AKT2: variants seen among roughly 807,000 people sequenced by gnomAD.
The protein encoded by AKT2 is AKT serine/threonine kinase 2, also known as RAC-beta serine/threonine-protein kinase.
A neutral mutation model predicts 58.6 loss-of-function variants in AKT2; 16 were observed. The observed-to-expected ratio is 0.27, with a 90% CI of 0.18 to 0.41. The LOEUF (loss-of-function observed/expected upper bound fraction) is 0.41, where lower values mean the gene tolerates loss of function less well. Among genes scored for constraint, AKT2 ranks in the 10% least tolerant of loss-of-function variants. The pLI, the probability that AKT2 is intolerant of heterozygous loss-of-function variation, is 1.00. For synonymous variants in AKT2, 253 were observed against 254.0 expected (o/e 1.00, Z 0.04); for missense variants, 438 against 661.0 (o/e 0.66, Z 3.70).
intron 6 of AKT2, 49 bp downstream of exon 6, chr19:40,241,889 G>C (rs751226714): frequency 6.2e-7 from 1 of 1,612,752 alleles, no homozygotes; most frequent in Non-Finnish European, 8.5e-7. Flanking sequence ...TCAGGCTCCA[G>C]ACCGCAGCCC....
chr19:40,235,818 T>C lies in AKT2; in HGVS notation c.1175+72A>G. The C allele has an allele frequency of 6.8e-7, 1 of 1,471,382 alleles. No homozygotes were observed. The highest frequency in any genetic ancestry group is 9.2e-7 in the Non-Finnish European group (1 of 1,090,646). The allele number at this position is 1,471,382 out of a possible 1,614,324, so 91.1% of individuals were successfully genotyped here. ...TACAAGCGAGCACCCTTGTGGACGC[T>C]GCCCCCTCCAGGCCGCAGGGACAGT... On this transcript the variant is annotated intron_variant, in intron 11 of 13. Coordinates refer to ENST00000392038, the MANE Select transcript of AKT2 (RefSeq NM_001626.6). This position sits in a 1 kb window ranked among gnomAD's most constrained non-coding sequence, Gnocchi z 6.3.
chr19:40,239,086 T>A, intron 7 of AKT2, 113 bp from the exon 8 acceptor site: 2 of 1,136,178 alleles, frequency 1.8e-6, no homozygotes, highest in Non-Finnish European at 2.5e-6. Context: ...CTGCCCTGGC[T>A]GGGGCCCCCA....
Position 40,234,139 on chromosome 19 carries a change from T to G in AKT2, c.1367-188A>C, listed in dbSNP as rs935891611. On this transcript the variant is annotated intron_variant, in intron 13 of 13. Transcript: ENST00000392038. The surrounding 1 kb of genome is among the most constrained non-coding windows in gnomAD (Gnocchi z 4.7). ...CCCCAAACCTGAGCCCCGGGCGGCCTCCTCTGGGAGTTTCCTGTGCCCTTG... is the reference window on the plus strand; with the variant it reads ...CCCCAAACCTGAGCCCCGGGCGGCCGCCTCTGGGAGTTTCCTGTGCCCTTG... 6.6e-6 allele frequency among the ~76,000 whole-genome samples: 1 copy of G among 152,062 alleles called. No individual in the cohort carries two copies. The highest frequency in any genetic ancestry group is 1.5e-5 in the Non-Finnish European group (1 of 67,968).
At chr19:40,245,043 T>C (rs147814122) in intron 4 of AKT2, among the ~76,000 whole-genome samples, 85 of 152,380 alleles carry the variant, frequency 5.6e-4, no homozygotes, top group African/African-American at 1.9e-3. Context: ...CGCCTTTTTC[T>C]TGGCACTATA....
rs1390916705 is a variant in AKT2, at chr19:40,232,989, T to C, written c.*883A>G. 9 of 181,028 alleles carry C rather than the reference T, an allele frequency of 5.0e-5. No individual in the cohort carries two copies. The highest frequency in any genetic ancestry group is 2.2e-4 in the South Asian group (1 of 4,480). The allele number at this position is 181,028 out of a possible 1,614,324, so 11.2% of individuals were successfully genotyped here. A position where few individuals can be genotyped will look rare whatever the true frequency, so the allele number is the denominator to read the frequency against. ...GGGCCCAATACTGTCCGGTGTAAGA[T>C]TGTAACAGCCAAGGCTGGTGGCCCT... On this transcript the variant is annotated 3_prime_UTR_variant, in exon 14 of 14. Coordinates refer to ENST00000392038, the MANE Select transcript of AKT2 (RefSeq NM_001626.6).
chr19:40,272,244 T>C (rs2077228924), intron 1 of AKT2, among the ~76,000 whole-genome samples: 2 of 152,228 alleles, frequency 1.3e-5, no homozygotes, highest in South Asian at 2.1e-4. Flanking sequence ...CCTTGAGAGT[T>C]AGGCAGATCT....
Position 40,242,083 on chromosome 19 carries a change from G to A in AKT2, c.442-14C>T, listed in dbSNP as rs1367240892. 1 of 1,614,152 alleles carries A rather than the reference G, an allele frequency of 6.2e-7. No homozygotes were observed. Among genetic ancestry groups the A allele is most frequent in the Non-Finnish European group, 8.5e-7 (1 of 1,180,030 alleles). The stretch of plus-strand genomic sequence containing the variant: ...GTCATTCATGGTCTGCCAGGGACAG[G>A]GAGAGTGGGGGCAGTCAGCGCCTGG... On this transcript the variant is annotated splice_polypyrimidine_tract_variant and intron_variant, in intron 5 of 13. Coordinates refer to ENST00000392038, the MANE Select transcript of AKT2 (RefSeq NM_001626.6). The surrounding 1 kb of genome is among the most constrained non-coding windows in gnomAD (Gnocchi z 4.3).
intron 1 of AKT2, among the ~76,000 whole-genome samples, chr19:40,284,410 G>A (rs961765009): frequency 1.3e-5 from 2 of 152,134 alleles, no homozygotes; most frequent in African/African-American, 4.8e-5. Flanking sequence ...TAATCTGAGA[G>A]GGTAATGGAA....
intron 4 of AKT2, among the ~76,000 whole-genome samples, chr19:40,249,557 C>A (rs116997163): frequency 6.6e-6 from 1 of 152,210 alleles, no homozygotes; most frequent in Non-Finnish European, 1.5e-5. Context: ...TGCACAAGCC[C>A]GTCCTCACCG....
In AKT2 at chr19:40,238,196, T is replaced by G. The variant is rs909488054; in HGVS notation, c.709-105A>C. 3 of 1,439,446 alleles carry G rather than the reference T, an allele frequency of 2.1e-6. No homozygotes were observed. The African/African-American group carries it at 4.2e-5, about 20-fold the overall frequency. 89.2% of individuals were successfully genotyped at this position (1,439,446 alleles called of 1,614,324 possible). A position where few individuals can be genotyped will look rare whatever the true frequency, so the allele number is the denominator to read the frequency against. The stretch of plus-strand genomic sequence containing the variant: ...GCGCAGTGATGTGGTGACACCTGTA[T>G]CATGAACCAGCAAGTGACAGCTAGA... On this transcript the variant is annotated intron_variant, in intron 8 of 13. Transcript: ENST00000392038. The surrounding 1 kb of genome is among the most constrained non-coding windows in gnomAD (Gnocchi z 5.1).
Position 40,238,789 on chromosome 19 carries a change from C to G in AKT2, c.708+116G>C. ...CCGCCTGCCTCAAGGGAGAGGGGCA[C>G]TAGATGACACTGAAATTTCCCTCCA... On this transcript the variant is annotated intron_variant, in intron 8 of 13. Coordinates refer to ENST00000392038, the MANE Select transcript of AKT2 (RefSeq NM_001626.6). The surrounding 1 kb of genome is among the most constrained non-coding windows in gnomAD (Gnocchi z 5.1). The G allele has an allele frequency of 8.9e-7, 1 of 1,121,702 alleles. No individual in the cohort carries two copies. Among genetic ancestry groups the G allele is most frequent in the Non-Finnish European group, 1.4e-6 (1 of 736,750 alleles). The allele number at this position is 1,121,702 out of a possible 1,614,324, so 69.5% of individuals were successfully genotyped here.
Position 40,256,954 on chromosome 19 carries a change from T to C in AKT2, c.147A>G (p.Leu49=), listed in dbSNP as rs766730410. ...KERPEAPDQT[L]PPLNNFSVAE... Reference sequence around the variant, plus strand: ...CTACGGAGAAGTTGTTTAAGGGGGGTAGAGTCTGATCAGGGGCCTCGGGCC... The same window carrying C: ...CTACGGAGAAGTTGTTTAAGGGGGGCAGAGTCTGATCAGGGGCCTCGGGCC... The change falls in exon 3 of 14, where the codon CTA becomes CTG. Residue 49 remains leucine, a synonymous_variant. Coordinates refer to ENST00000392038, the MANE Select transcript of AKT2 (RefSeq NM_001626.6). 2.5e-6 allele frequency: 4 copies of C among 1,613,528 alleles called. No homozygotes were observed. Among genetic ancestry groups the C allele is most frequent in the Non-Finnish European group, 3.4e-6 (4 of 1,179,870 alleles).
chr19:40,280,351 T>TTCCC (rs1248643570), intron 1 of AKT2, among the ~76,000 whole-genome samples: 3 of 152,098 alleles, frequency 2.0e-5, no homozygotes, highest in African/African-American at 4.8e-5. Context: ...GAACACGGTG[T>TTCCC]GAAAACCACA....
At chr19:40,269,744 T>C (rs1568565886) in intron 1 of AKT2, among the ~76,000 whole-genome samples, 5 of 152,078 alleles carry the variant, frequency 3.3e-5, no homozygotes, top group Non-Finnish European at 1.5e-5. Flanking sequence ...AGTAGAACAC[T>C]ACTCAGCAAC....
At chr19:40,250,202 A>G (rs1197584562) in intron 4 of AKT2, among the ~76,000 whole-genome samples, 1 of 152,166 alleles carries the variant, frequency 6.6e-6, no homozygotes, top group African/African-American at 2.4e-5. Flanking sequence ...GAGAAAATAC[A>G]TGATAAGATT....
At chr19:40,278,360 G>T (rs867762893) in intron 1 of AKT2, among the ~76,000 whole-genome samples, 1 of 152,158 alleles carries the variant, frequency 6.6e-6, no homozygotes, top group Admixed American at 6.5e-5. Context: ...GGATGAGTGA[G>T]AGCAGACACC....
intron 1 of AKT2, among the ~76,000 whole-genome samples, chr19:40,271,035 C>T (rs1421245682): frequency 6.7e-6 from 1 of 149,270 alleles, no homozygotes; most frequent in Admixed American, 6.7e-5. Context: ...AACAAACAAA[C>T]AAACAAACAA....
chr19:40,274,950 C>T (rs1003847928), intron 1 of AKT2: 1 of 407,074 alleles, frequency 2.5e-6, no homozygotes, highest in African/African-American at 2.0e-5. Context: ...GGCAGGAGTC[C>T]TTAGGGAGGC....
chr19:40,233,865 A>C lies in AKT2; in HGVS notation c.*7T>G. 1 of 1,610,682 alleles carries C rather than the reference A, an allele frequency of 6.2e-7. No homozygotes were observed. The highest frequency in any genetic ancestry group is 8.5e-7 in the Non-Finnish European group (1 of 1,179,868). ...GCGAGCGTGCGTCCTCTGCGTGGGC[A>C]GACTGCTCACTCGCGGATGCTGGCC... On this transcript the variant is annotated 3_prime_UTR_variant, in exon 14 of 14. Coordinates refer to ENST00000392038, the MANE Select transcript of AKT2 (RefSeq NM_001626.6). This position sits in a 1 kb window ranked among gnomAD's most constrained non-coding sequence, Gnocchi z 4.3.
Sources: gnomAD v4.1 joint callset for allele counts (sites outside exome capture counted in the v4.1 genomes callset) on GRCh38, gnomAD v4.1.1 for gene constraint, Gnocchi (gnomAD v3.1) non-coding constraint, MANE v1.5 for transcripts, NCBI Gene and HGNC (gene_info 2026-07-23, HGNC 2026-07-21) for gene names.